The following DENND1A variants were observed in gnomAD, a reference collection of about 807,000 sequenced individuals.
The protein encoded by DENND1A is DENN domain-containing protein 1A.
A neutral mutation model predicts 113.7 loss-of-function variants in DENND1A; 51 were observed. That is an observed-to-expected ratio of 0.45 (90% CI 0.36 to 0.57). DENND1A has a LOEUF of 0.57. Ranked by LOEUF, DENND1A falls within the 20% of genes least tolerant of loss-of-function variation. The pLI, the probability that DENND1A is intolerant of heterozygous loss-of-function variation, is 0.00. For synonymous variants in DENND1A, 565 were observed against 570.8 expected (o/e 0.99, Z 0.14); for missense variants, 1,258 against 1,395.9 (o/e 0.90, Z 1.57).
chr9:123,798,684 G>A (rs2132171571), intron 2 of DENND1A, among the ~76,000 whole-genome samples: 2 of 139,784 alleles, frequency 1.4e-5, no homozygotes, highest in South Asian at 2.3e-4. Context: ...ATTCCAAAGG[G>A]AGCTTTAAAA....
At chr9:123,467,318 G>A (rs1465309299) in intron 13 of DENND1A, among the ~76,000 whole-genome samples, 2 of 152,266 alleles carry the variant, frequency 1.3e-5, no homozygotes, top group East Asian at 1.9e-4. Context: ...TGTTCTGTGC[G>A]TGTCTCCTTT....
chr9:123,454,593 T>C (rs1001935406), intron 16 of DENND1A, 146 bp downstream of exon 16: 2 of 826,802 alleles, frequency 2.4e-6, no homozygotes, highest in Admixed American at 2.3e-5. Context: ...CCATCTGGCA[T>C]GAGAAGAGCC....
chr9:123,540,900 T>C (rs1408723671), intron 13 of DENND1A, among the ~76,000 whole-genome samples: 1 of 152,176 alleles, frequency 6.6e-6, no homozygotes, highest in African/African-American at 2.4e-5. Context: ...ATGGGACCAG[T>C]GGAAAAACCG....
chr9:123,697,618 A>G (rs1179652167), intron 5 of DENND1A, among the ~76,000 whole-genome samples: 2 of 152,074 alleles, frequency 1.3e-5, no homozygotes. Context: ...GCTCCCACAT[A>G]TCAGTGAGAA....
intron 21 of DENND1A, chr9:123,401,999 AG>A: frequency 6.3e-7 from 1 of 1,577,064 alleles, no homozygotes; most frequent in Non-Finnish European, 8.7e-7. Context: ...TAAAAGGTTT[AG>A]TCCAGTTTTA....
At chr9:123,618,497 AGCAGAAACTAGG>A (rs554889772) in intron 10 of DENND1A, among the ~76,000 whole-genome samples, 11 of 152,338 alleles carry the variant, frequency 7.2e-5, no homozygotes, top group Admixed American at 1.3e-4. Context: ...CATGGAGGCC[AGCAGAAACTAGG>A]GCAGGGGAGG....
At chr9:123,830,204 TTTATG>T (rs1189786729) in intron 2 of DENND1A, among the ~76,000 whole-genome samples, 1 of 152,116 alleles carries the variant, frequency 6.6e-6, no homozygotes, top group Non-Finnish European at 1.5e-5. Flanking sequence ...TCAAAAAATC[TTTATG>T]TTGAGTGAAA....
At chr9:123,630,253 C>G in intron 10 of DENND1A, 123 bp downstream of exon 10, 1 of 157,510 alleles carries the variant, frequency 6.3e-6, no homozygotes, top group Non-Finnish European at 1.2e-5. Flanking sequence ...ACTATTTTGT[C>G]CAGGCTGGAT....
intron 2 of DENND1A, among the ~76,000 whole-genome samples, chr9:123,822,794 C>T (rs537703616): frequency 6.6e-6 from 1 of 152,330 alleles, no homozygotes; most frequent in Admixed American, 6.5e-5. Context: ...TATTCCATTT[C>T]ATTTTTAAAA....
At chr9:123,651,092 T>C (rs1482337922) in intron 9 of DENND1A, among the ~76,000 whole-genome samples, 2 of 151,624 alleles carry the variant, frequency 1.3e-5, no homozygotes, top group African/African-American at 2.4e-5. Context: ...TAAAAAATAT[T>C]GGGGAAAATG....
intron 12 of DENND1A, among the ~76,000 whole-genome samples, chr9:123,579,906 GC>G (rs1389294949): frequency 6.6e-6 from 1 of 152,018 alleles, no homozygotes. Flanking sequence ...GAGTATAGAG[GC>G]CCAAGCTGGA....
chr9:123,424,597 C>A (rs541710743), intron 19 of DENND1A, among the ~76,000 whole-genome samples: 1 of 152,198 alleles, frequency 6.6e-6, no homozygotes, highest in Non-Finnish European at 1.5e-5. Context: ...CTGAATACAA[C>A]CCTCGTTGGC....
intron 13 of DENND1A, among the ~76,000 whole-genome samples, chr9:123,485,133 C>A (rs1319695498): frequency 2.0e-5 from 3 of 152,202 alleles, no homozygotes; most frequent in Admixed American, 2.0e-4. Flanking sequence ...GTTGGGGGAG[C>A]AGAGCCTGGC....
At chr9:123,766,870 C>T (rs562675182) in intron 4 of DENND1A, among the ~76,000 whole-genome samples, 12 of 152,232 alleles carry the variant, frequency 7.9e-5, no homozygotes, top group East Asian at 3.9e-4. Flanking sequence ...TCAATGTTAA[C>T]GGGTGATTTG....
chr9:123,588,003 C>T (rs1016930102), intron 11 of DENND1A, among the ~76,000 whole-genome samples: 1 of 152,120 alleles, frequency 6.6e-6, no homozygotes, highest in African/African-American at 2.4e-5. Context: ...ATAGGATGGG[C>T]ATGGTGGCTC....
intron 9 of DENND1A, among the ~76,000 whole-genome samples, chr9:123,643,573 T>C (rs1484902080): frequency 6.6e-6 from 1 of 152,168 alleles, no homozygotes; most frequent in Non-Finnish European, 1.5e-5. Context: ...CTTTATTATA[T>C]AGGACAAAGA....
chr9:123,829,384 A>C (rs918424660), intron 2 of DENND1A, among the ~76,000 whole-genome samples: 1 of 151,996 alleles, frequency 6.6e-6, no homozygotes. Flanking sequence ...ATGAACTCAC[A>C]AAAAAAATTC....
chr9:123,723,469 G>A (rs1240098803), intron 5 of DENND1A, among the ~76,000 whole-genome samples: 1 of 152,138 alleles, frequency 6.6e-6, no homozygotes, highest in Non-Finnish European at 1.5e-5. Context: ...GATATGGTTT[G>A]GCTGCATTCC....
intron 20 of DENND1A, 142 bp from the exon 21 acceptor site, chr9:123,403,632 T>C (rs535314773): frequency 2.9e-6 from 2 of 694,282 alleles, no homozygotes; most frequent in African/African-American, 3.5e-5. Flanking sequence ...GCCCAGCCTA[T>C]CACAGAAACA....
Sources: allele counts gnomAD v4.1 joint callset (sites outside exome capture counted in the v4.1 genomes callset), GRCh38; gene constraint gnomAD v4.1.1; transcripts MANE v1.5; gene names NCBI Gene and HGNC (gene_info 2026-07-23, HGNC 2026-07-21).